The following TIPRL variants were observed in gnomAD, a reference collection of about 807,000 sequenced individuals.
The protein encoded by TIPRL is TOR signaling pathway regulator, also known as TIP41-like protein.
A neutral mutation model predicts 32.3 loss-of-function variants in TIPRL; 10 were observed. The observed-to-expected ratio is 0.31, with a 90% CI of 0.19 to 0.52. The LOEUF (loss-of-function observed/expected upper bound fraction) is 0.52, where lower values mean the gene tolerates loss of function less well. TIPRL is among the 20% of genes least tolerant of loss of function. The pLI, the probability that TIPRL is intolerant of heterozygous loss-of-function variation, is 0.96. For synonymous variants in TIPRL, 100 were observed against 114.0 expected (o/e 0.88, Z 0.78); for missense variants, 250 against 328.1 (o/e 0.76, Z 1.84).
chr1:168,187,816 T>C (rs1043623747), intron 3 of TIPRL, among the ~76,000 whole-genome samples: 4 of 151,856 alleles, frequency 2.6e-5, no homozygotes, highest in African/African-American at 4.8e-5. Context: ...CTACAAAAAA[T>C]AGAAAAATTG....
chr1:168,187,457 A>G (rs1700041051), intron 3 of TIPRL, among the ~76,000 whole-genome samples: 1 of 152,176 alleles, frequency 6.6e-6, no homozygotes, highest in Non-Finnish European at 1.5e-5. Context: ...TCTCCTATTG[A>G]TACTTCAGCC....
chr1:168,197,079 C>T (rs144977610), intron 5 of TIPRL, among the ~76,000 whole-genome samples: 76 of 152,164 alleles, frequency 5.0e-4, no homozygotes, highest in African/African-American at 1.7e-3. Context: ...TTTGGGAGGC[C>T]GAGGTGGGTA....
rs746172242 is a variant in TIPRL, at chr1:168,179,089, C to G, written c.12C>G (p.His4Gln). MMI[H>Q]GFQSSHRDFC... ...GTCCTGCCTCAGCCATGATGATCCA[C>G]GGCTTCCAGAGCAGCCACCGGGATT... The change falls in exon 1 of 7, where the codon CAC (histidine) becomes CAG (glutamine). Residue 4 changes from histidine (H) to glutamine (Q), a missense_variant. Transcript: ENST00000367833. 6.2e-7 allele frequency: 1 copy of G among 1,613,682 alleles called. No individual in the cohort carries two copies. Among genetic ancestry groups the G allele is most frequent in the African/African-American group, 1.3e-5 (1 of 75,020 alleles).
rs1431376483 is a variant in TIPRL at position 168,199,980 on chromosome 1, G to A, written c.753G>A (p.Lys251=). 4.3e-6 allele frequency: 7 copies of A among 1,613,642 alleles called. No individual in the cohort carries two copies. The East Asian group carries it at 1.6e-4, about 36-fold the overall frequency. ...YLPIKEAVCE[K]LIFPERIDPN... ...CAATAAAGGAAGCAGTTTGTGAGAA[G>A]CTAATATTTCCAGAAAGAATTGATC... Residue 251 remains lysine (K), a synonymous_variant, in exon 7 of 7, where the codon AAG becomes AAA. Coordinates refer to ENST00000367833, the MANE Select transcript of TIPRL (RefSeq NM_152902.5).
intron 4 of TIPRL, among the ~76,000 whole-genome samples, chr1:168,191,859 A>C (rs6687509): frequency 0.03 from 3,513 of 117,296 alleles, 23 homozygotes; most frequent in African/African-American, 0.053. Context: ...GCGACAGAGC[A>C]AAAAAAAAAA....
intron 3 of TIPRL, among the ~76,000 whole-genome samples, chr1:168,185,560 CAGGAGCTCG>C (rs1212937030): frequency 1.3e-5 from 2 of 150,704 alleles, no homozygotes; most frequent in Non-Finnish European, 2.9e-5. Flanking sequence ...ATCACGAGGT[CAGGAGCTCG>C]AGACTAGCCT....
chr1:168,185,639 G>A (rs563470216), intron 3 of TIPRL, among the ~76,000 whole-genome samples: 19 of 151,250 alleles, frequency 1.3e-4, no homozygotes, highest in Admixed American at 3.3e-4. Context: ...GTGTGGTGGC[G>A]CACACCTGTA....
At chr1:168,192,318 C>G in intron 4 of TIPRL, 1 of 1,004,416 alleles carries the variant, frequency 1.0e-6, no homozygotes, top group Non-Finnish European at 1.3e-6. Flanking sequence ...TGCACTCCAG[C>G]CCTCCAGCCT....
At chr1:168,181,210 T>G (rs1219651940) in intron 1 of TIPRL, among the ~76,000 whole-genome samples, 3 of 151,800 alleles carry the variant, frequency 2.0e-5, no homozygotes, top group African/African-American at 7.3e-5. Flanking sequence ...TTTTTCTTAT[T>G]CTTTCTTTCT....
At position 168,186,157 on chromosome 1, in the gene TIPRL, T is replaced by C. The variant is rs535133844; in HGVS notation, c.384+1279T>C. 6.6e-5 allele frequency among the ~76,000 whole-genome samples: 10 copies of C among 150,718 alleles called. No homozygotes were observed. In the South Asian group the frequency reaches 2.1e-3, roughly 32 times the overall value. On this transcript the variant is annotated intron_variant, in intron 3 of 6. Coordinates refer to ENST00000367833, the MANE Select transcript of TIPRL (RefSeq NM_152902.5). ...GAAGATGGAATTGGTAGGTCTTATA[T>C]TGTGAAGTTAGCTGCATTTTGAAAT... is the stretch of plus-strand genomic sequence containing the variant.
chr1:168,183,976 G>A lies in TIPRL; in HGVS notation c.179G>A (p.Gly60Glu), dbSNP rs759348099. 6.2e-7 allele frequency: 1 copy of A among 1,614,104 alleles called. No individual in the cohort carries two copies. The highest frequency in any genetic ancestry group is 1.3e-5 in the African/African-American group (1 of 75,034). Reference sequence around the variant, plus strand: ...GACAACGTTTTAAGAATCCAGCATGGGTCTGGCTTTGGAATTGAGTTCAAT... The same window carrying A: ...GACAACGTTTTAAGAATCCAGCATGAGTCTGGCTTTGGAATTGAGTTCAAT... ...FGDNVLRIQH[G>E]SGFGIEFNAT... Residue 60 changes from glycine (G) to glutamate (E), a missense_variant, in exon 2 of 7, where the codon GGG (glycine) becomes GAG (glutamate). Transcript: ENST00000367833.
At chr1:168,187,292 C>G (rs1700039270) in intron 3 of TIPRL, among the ~76,000 whole-genome samples, 1 of 152,148 alleles carries the variant, frequency 6.6e-6, no homozygotes, top group African/African-American at 2.4e-5. Flanking sequence ...TTGTTTTAAA[C>G]CCATACAATA....
chr1:168,199,052 C>T, intron 6 of TIPRL, 71 bp downstream of exon 6: 1 of 1,175,332 alleles, frequency 8.5e-7, no homozygotes, highest in Non-Finnish European at 1.2e-6. Context: ...GCATATACCC[C>T]TGACCCCAAC....
intron 3 of TIPRL, among the ~76,000 whole-genome samples, chr1:168,186,359 G>A (rs1170049897): frequency 2.0e-5 from 3 of 151,974 alleles, no homozygotes; most frequent in African/African-American, 7.3e-5. Flanking sequence ...AGCCAGGCCT[G>A]GTGGCGTGTG....
intron 1 of TIPRL, among the ~76,000 whole-genome samples, chr1:168,183,317 C>T (rs574948116): frequency 5.3e-5 from 8 of 149,750 alleles, no homozygotes; most frequent in African/African-American, 2.0e-4. Flanking sequence ...TTCTTTAGTA[C>T]AGGTATTCTA....
chr1:168,199,768 A>AT, intron 6 of TIPRL, 135 bp from the exon 7 acceptor site: 1 of 742,548 alleles, frequency 1.3e-6, no homozygotes, highest in Non-Finnish European at 2.1e-6. Context: ...AATACCTATT[A>AT]TTTTTAGGAG....
At chr1:168,190,076 A>G (rs1288672908) in intron 3 of TIPRL, among the ~76,000 whole-genome samples, 6 of 152,240 alleles carry the variant, frequency 3.9e-5, no homozygotes, top group African/African-American at 1.4e-4. Flanking sequence ...TGTATTTAAC[A>G]CTAATTTCAG....
At chr1:168,194,864 A>C (rs1406173639) in intron 4 of TIPRL, among the ~76,000 whole-genome samples, 1 of 152,208 alleles carries the variant, frequency 6.6e-6, no homozygotes, top group African/African-American at 2.4e-5. Context: ...AGATATTTCC[A>C]CCACCATGGA....
intron 4 of TIPRL, 61 bp from the exon 5 acceptor site, chr1:168,196,486 C>T: frequency 8.2e-7 from 1 of 1,217,344 alleles, no homozygotes. Flanking sequence ...TTTCTTTCAG[C>T]AAAGTAATAA....
Sources: allele counts gnomAD v4.1 joint callset (sites outside exome capture counted in the v4.1 genomes callset), GRCh38; gene constraint gnomAD v4.1.1; transcripts MANE v1.5; gene names NCBI Gene and HGNC (gene_info 2026-07-23, HGNC 2026-07-21).